SYPL1: variants seen among roughly 807,000 people sequenced by gnomAD.
SYPL1 encodes the protein synaptophysin like 1.
A neutral mutation model predicts 23.7 loss-of-function variants in SYPL1; 6 were observed. That is an observed-to-expected ratio of 0.25 (90% CI 0.14 to 0.50). SYPL1 has a LOEUF of 0.50. Ranked by LOEUF, SYPL1 falls within the 20% of genes least tolerant of loss-of-function variation. SYPL1 has a pLI of 0.98. For missense variants in SYPL1, 253 were observed against 288.9 expected (o/e 0.88, Z 0.90); for synonymous variants, 102 against 104.5 (o/e 0.98, Z 0.15).
In SYPL1 at chr7:106,095,909, T is replaced by C. The variant is rs176488; in HGVS notation, c.402+1781A>G. Among the ~76,000 whole-genome samples the C allele has an allele frequency of 0.98, 149,808 of 152,288 alleles. 73,684 individuals carry two copies. Among genetic ancestry groups the C allele is most frequent in the East Asian group, 1 (5,179 of 5,186 alleles). The stretch of plus-strand genomic sequence containing the variant: ...ACAAAAACCACCTACAAAAATAGAT[T>C]GGAATGCTGCTTTAAGAAGGGTAGT... On this transcript the variant is annotated intron_variant, in intron 3 of 4. Transcript: ENST00000455385. This position sits in a 1 kb window ranked among gnomAD's most constrained non-coding sequence, Gnocchi z 4.3.
intron 1 of SYPL1, among the ~76,000 whole-genome samples, chr7:106,107,615 GC>G (rs1208173411): frequency 6.6e-6 from 1 of 151,946 alleles, no homozygotes; most frequent in African/African-American, 2.4e-5. Context: ...GGTGGCACAC[GC>G]CTGTAGTCCC....
At chr7:106,111,399 T>C (rs1790140430) in intron 1 of SYPL1, among the ~76,000 whole-genome samples, 1 of 152,216 alleles carries the variant, frequency 6.6e-6, no homozygotes, top group Non-Finnish European at 1.5e-5. Context: ...AACTGATCAT[T>C]GCCAAGGTCG....
Position 106,112,236 on chromosome 7 carries a change from C to A in SYPL1, c.-28G>T, listed in dbSNP as rs1339004792. On this transcript the variant is annotated 5_prime_UTR_variant, in exon 1 of 5. Transcript: ENST00000455385. ...TCTGAGGAAAGGAGGGAGAGAGAGTCAGGACGACGGGGCGGAGGAGGGGAC... is the reference window on the plus strand; with the variant it reads ...TCTGAGGAAAGGAGGGAGAGAGAGTAAGGACGACGGGGCGGAGGAGGGGAC... The A allele has an allele frequency of 6.5e-7, 1 of 1,527,330 alleles. No homozygotes were observed. The highest frequency in any genetic ancestry group is 8.9e-7 in the Non-Finnish European group (1 of 1,128,432). The allele number at this position is 1,527,330 out of a possible 1,614,324, so 94.6% of individuals were successfully genotyped here.
chr7:106,093,140 A>T lies in SYPL1; in HGVS notation c.403-3T>A. 1.3e-6 allele frequency: 2 copies of T among 1,588,946 alleles called. No individual in the cohort carries two copies. Among genetic ancestry groups the T allele is most frequent in the Non-Finnish European group, 1.7e-6 (2 of 1,170,030 alleles). On this transcript the variant is annotated splice_region_variant and splice_polypyrimidine_tract_variant and intron_variant, in intron 3 of 4. Transcript: ENST00000455385. ...GCAACAAGTGTAACAACAAAGTCCTAAAGCAAAAATCAGTAAGAGTTAATA... is the reference window on the plus strand; with the variant it reads ...GCAACAAGTGTAACAACAAAGTCCTTAAGCAAAAATCAGTAAGAGTTAATA...
At chr7:106,101,276 A>G (rs1194298848) in intron 1 of SYPL1, among the ~76,000 whole-genome samples, 1 of 152,186 alleles carries the variant, frequency 6.6e-6, no homozygotes, top group African/African-American at 2.4e-5. Context: ...GGTCACACAC[A>G]CTCAGCAACT....
chr7:106,102,875 T>G (rs1585940889), intron 1 of SYPL1, among the ~76,000 whole-genome samples: 1 of 152,018 alleles, frequency 6.6e-6, no homozygotes, highest in East Asian at 1.9e-4. Flanking sequence ...TTAAAAAATG[T>G]GAAGACAATA....
Position 106,090,995 on chromosome 7 carries a change from G to A in SYPL1, c.*810C>T, listed in dbSNP as rs1264520058. ...GATTATTTTACTGTACTTACAAAGA[G>A]GCTGGGTCTCAGCCTGCACTTAAAC... On this transcript the variant is annotated 3_prime_UTR_variant, in exon 5 of 5. Transcript: ENST00000455385. 6.6e-6 allele frequency: 1 copy of A among 152,126 alleles called. No individual in the cohort carries two copies. Among genetic ancestry groups the A allele is most frequent in the Non-Finnish European group, 1.5e-5 (1 of 68,022 alleles). 9.4% of individuals were successfully genotyped at this position (152,126 alleles called of 1,614,324 possible).
Position 106,104,673 on chromosome 7 carries a change from G to C in SYPL1, c.70-5391C>G, listed in dbSNP as rs1005057668. On this transcript the variant is annotated intron_variant, in intron 1 of 4. Transcript: ENST00000455385. The surrounding 1 kb of genome is among the most constrained non-coding windows in gnomAD (Gnocchi z 4.1). ...AATCTTACATAATTATTATTTTAAA[G>C]CTTTTTGTTATAAGGATAGATAAAT... 6.6e-6 allele frequency among the ~76,000 whole-genome samples: 1 copy of C among 152,108 alleles called. No individual in the cohort carries two copies. Among genetic ancestry groups the C allele is most frequent in the Admixed American group, 6.6e-5 (1 of 15,266 alleles).
intron 1 of SYPL1, among the ~76,000 whole-genome samples, chr7:106,107,885 A>G (rs1480454675): frequency 6.6e-6 from 1 of 152,088 alleles, no homozygotes; most frequent in Non-Finnish European, 1.5e-5. Context: ...TGAGGAACCT[A>G]AATATATTTA....
At chr7:106,110,141 A>G (rs988322006) in intron 1 of SYPL1, among the ~76,000 whole-genome samples, 1 of 152,188 alleles carries the variant, frequency 6.6e-6, no homozygotes, top group Non-Finnish European at 1.5e-5. Flanking sequence ...CAGATTCCCA[A>G]AGATTAACCC....
chr7:106,100,141 T>C lies in SYPL1; in HGVS notation c.70-859A>G, dbSNP rs1563340404. ...GGTTGTCAGCAGAGAAGAGACACTA[T>C]TTCATGAGCCTGTTAAACCTCCCTT... On this transcript the variant is annotated intron_variant, in intron 1 of 4. Transcript: ENST00000455385. The surrounding 1 kb of genome is among the most constrained non-coding windows in gnomAD (Gnocchi z 5.1). Among the ~76,000 whole-genome samples the C allele has an allele frequency of 6.6e-6, 1 of 152,218 alleles. No individual in the cohort carries two copies. Among genetic ancestry groups the C allele is most frequent in the Non-Finnish European group, 1.5e-5 (1 of 68,036 alleles).
In SYPL1 at chr7:106,093,086, C is replaced by T. The variant is rs1839832264; in HGVS notation, c.454G>A (p.Ala152Thr). 4 of 1,612,786 alleles carry T rather than the reference C, an allele frequency of 2.5e-6. No individual in the cohort carries two copies. In the East Asian group the frequency reaches 8.9e-5, roughly 36 times the overall value. Residue 152 changes from alanine (A) to threonine (T), a missense_variant, in exon 4 of 5, where the codon GCC becomes ACC. Ala to Thr is a moderately conservative substitution (Grantham distance 58). Transcript: ENST00000455385. ...ATFLWLVSTS[A>T]WAKALTDIKI... ...ATATCTGTCAGAGCTTTAGCCCAGGCTGAAGTGCTCACCAACCACAAAAAA... is the reference window on the plus strand; with the variant it reads ...ATATCTGTCAGAGCTTTAGCCCAGGTTGAAGTGCTCACCAACCACAAAAAA...
At chr7:106,111,791 G>C (rs1425490538) in intron 1 of SYPL1, 1 of 159,990 alleles carries the variant, frequency 6.3e-6, no homozygotes, top group Non-Finnish European at 1.4e-5. Context: ...GTTTCGGTTA[G>C]ACCGCAGCAG....
In SYPL1 at chr7:106,099,220, C is replaced by T; in HGVS notation, c.132G>A (p.Val44=). The T allele has an allele frequency of 6.2e-7, 1 of 1,613,956 alleles. No homozygotes were observed. The highest frequency in any genetic ancestry group is 8.5e-7 in the Non-Finnish European group (1 of 1,179,960). The change falls in exon 2 of 5, where the codon GTG becomes GTA. Residue 44 remains valine (V), a synonymous_variant. Coordinates refer to ENST00000455385, the MANE Select transcript of SYPL1 (RefSeq NM_182715.4). ...GGFKGQTEIQ[V]NCPPAVTENK... ...TCTCAGTAACTGCAGGAGGACAATT[C>T]ACTTGAATTTCTGTTTGGCCCTTAA... is the stretch of plus-strand genomic sequence containing the variant.
At chr7:106,102,537 A>G (rs944394115) in intron 1 of SYPL1, among the ~76,000 whole-genome samples, 1 of 152,196 alleles carries the variant, frequency 6.6e-6, no homozygotes, top group Non-Finnish European at 1.5e-5. Flanking sequence ...CAGTAACCAC[A>G]TGACTGAGCT....
At chr7:106,094,968 C>T (rs769902984) in intron 3 of SYPL1, among the ~76,000 whole-genome samples, 1 of 152,158 alleles carries the variant, frequency 6.6e-6, no homozygotes, top group Non-Finnish European at 1.5e-5. Context: ...GCACTCTAAG[C>T]GAATGGTGCC....
In SYPL1 at chr7:106,091,814, G is replaced by A. The variant is rs763287461; in HGVS notation, c.717C>T (p.Thr239=). The part of the protein sequence containing the change: ...PHSQGGIPPP[T]GI ...GTATTTCTCCCTTTAATTATATTCC[G>A]GTAGGAGGTGGAATACCTCCTTGGC... Residue 239 remains threonine (T), a synonymous_variant, in exon 5 of 5, where the codon ACC becomes ACT. Transcript: ENST00000455385. This position sits in a 1 kb window ranked among gnomAD's most constrained non-coding sequence, Gnocchi z 5.0. 13 of 1,611,000 alleles carry A rather than the reference G, an allele frequency of 8.1e-6. No homozygotes were observed. The highest frequency in any genetic ancestry group is 4.0e-5 in the African/African-American group (3 of 74,698).
Position 106,109,066 on chromosome 7 carries a change from C to G in SYPL1, c.69+3074G>C, listed in dbSNP as rs1271593043. ...ACAAAAAAGAACAAAAAACCCCCACCAGTTTTACTTAAGAATGTCTGATGA... is the reference window on the plus strand; with the variant it reads ...ACAAAAAAGAACAAAAAACCCCCACGAGTTTTACTTAAGAATGTCTGATGA... On this transcript the variant is annotated intron_variant, in intron 1 of 4. Coordinates refer to ENST00000455385, the MANE Select transcript of SYPL1 (RefSeq NM_182715.4). The surrounding 1 kb of genome is among the most constrained non-coding windows in gnomAD (Gnocchi z 4.3). Among the ~76,000 whole-genome samples, 1 of 152,194 alleles carries G rather than the reference C, an allele frequency of 6.6e-6. No homozygotes were observed. Among genetic ancestry groups the G allele is most frequent in the Non-Finnish European group, 1.5e-5 (1 of 68,038 alleles).
At chr7:106,103,978 T>C (rs116829567) in intron 1 of SYPL1, among the ~76,000 whole-genome samples, 2,416 of 152,348 alleles carry the variant, frequency 0.016, 66 homozygotes, top group African/African-American at 0.055. Context: ...TCTTTCTAGA[T>C]AGATTTATCT....
Sources: gnomAD v4.1 joint callset for allele counts (sites outside exome capture counted in the v4.1 genomes callset) on GRCh38, gnomAD v4.1.1 for gene constraint, Gnocchi (gnomAD v3.1) non-coding constraint, MANE v1.5 for transcripts, NCBI Gene and HGNC (gene_info 2026-07-23, HGNC 2026-07-21) for gene names.